The following CNOT6L variants were observed in gnomAD, a reference collection of about 807,000 sequenced individuals.
CNOT6L encodes the protein CCR4-NOT transcription complex subunit 6-like.
Under a neutral mutation model 64.0 loss-of-function variants are expected in CNOT6L, and 7 were observed. That is an observed-to-expected ratio of 0.11 (90% confidence interval 0.06 to 0.21). The LOEUF (loss-of-function observed/expected upper bound fraction) is 0.21. Among genes scored for constraint, CNOT6L ranks in the 10% least tolerant of loss-of-function variants. The pLI is 1.00. For missense variants in CNOT6L, 245 were observed against 669.0 expected (o/e 0.37, Z 6.99); for synonymous variants, 193 against 243.4 (o/e 0.79, Z 1.93).
chr4:77,819,098 G>A (rs1387026567), intron 1 of CNOT6L: 8 of 703,568 alleles, frequency 1.1e-5, no homozygotes, highest in Admixed American at 5.1e-5. Context: ...GCCCGCCTCT[G>A]AAGAGACGCG....
chr4:77,782,625 A>C (rs1031385533), intron 1 of CNOT6L, among the ~76,000 whole-genome samples: 2 of 146,608 alleles, frequency 1.4e-5, no homozygotes, highest in African/African-American at 5.1e-5. Context: ...TACAGGCATG[A>C]GCCACAGTGC....
At chr4:77,740,107 C>T (rs1420087848) in intron 8 of CNOT6L, among the ~76,000 whole-genome samples, 6 of 151,946 alleles carry the variant, frequency 3.9e-5, no homozygotes, top group South Asian at 2.1e-4. Flanking sequence ...CGGTGGCTTA[C>T]GTCTGTAATC....
chr4:77,746,883 C>G (rs1560585433), intron 6 of CNOT6L, among the ~76,000 whole-genome samples: 1 of 152,060 alleles, frequency 6.6e-6, no homozygotes, highest in Non-Finnish European at 1.5e-5. Flanking sequence ...CACAATGCCT[C>G]TTAAAACAAG....
intron 1 of CNOT6L, among the ~76,000 whole-genome samples, chr4:77,797,234 A>T (rs1037077596): frequency 1.3e-4 from 16 of 127,578 alleles, no homozygotes; most frequent in African/African-American, 2.1e-4. Flanking sequence ...CATACTATAT[A>T]AAAAAAAAAC....
At chr4:77,724,554 G>A (rs952487407) in intron 11 of CNOT6L, among the ~76,000 whole-genome samples, 1 of 149,976 alleles carries the variant, frequency 6.7e-6, no homozygotes, top group Non-Finnish European at 1.5e-5. Flanking sequence ...GTAGGAGGAT[G>A]TCTTGAGCAC....
At chr4:77,764,897 A>G (rs1726656176) in intron 4 of CNOT6L, among the ~76,000 whole-genome samples, 1 of 152,162 alleles carries the variant, frequency 6.6e-6, no homozygotes, top group Non-Finnish European at 1.5e-5. Flanking sequence ...TATAAAAGGG[A>G]GCAGAGAAAT....
intron 8 of CNOT6L, among the ~76,000 whole-genome samples, chr4:77,741,713 T>A (rs758307321): frequency 2.6e-4 from 40 of 152,126 alleles, no homozygotes; most frequent in Non-Finnish European, 8.8e-5. Context: ...AAGCAAATGC[T>A]CAGTATACAT....
intron 4 of CNOT6L, among the ~76,000 whole-genome samples, chr4:77,767,615 C>T (rs1012787967): frequency 6.6e-6 from 1 of 152,118 alleles, no homozygotes; most frequent in Non-Finnish European, 1.5e-5. Flanking sequence ...GTTGAGACAA[C>T]TGGTTACTCA....
At chr4:77,786,098 T>G (rs772933823) in intron 1 of CNOT6L, among the ~76,000 whole-genome samples, 1 of 150,914 alleles carries the variant, frequency 6.6e-6, no homozygotes, top group Non-Finnish European at 1.5e-5. Flanking sequence ...CTGCCCAACA[T>G]GGTGAAACCC....
At chr4:77,724,614 TG>T (rs1270135814) in intron 11 of CNOT6L, among the ~76,000 whole-genome samples, 4 of 143,370 alleles carry the variant, frequency 2.8e-5, no homozygotes, top group Non-Finnish European at 1.5e-5. Context: ...CACTCCAGCC[TG>T]GGTGACAAAC....
chr4:77,774,650 T>G lies in CNOT6L; in HGVS notation c.194A>C (p.Asp65Ala). ...LTHLTALHLN[D>A]NYLSRIPPDI... ...AGGTGGAATGCGACTAAGGTAATTG[T>G]CATTTAGGTGCAGCGCTGTCAAGTG... The change falls in exon 3 of 12, where the codon GAC becomes GCC. Residue 65 changes from aspartate to alanine, a missense_variant. Transcript: ENST00000504123. The G allele has an allele frequency of 6.2e-7, 1 of 1,613,684 alleles. No homozygotes were observed. The highest frequency in any genetic ancestry group is 8.5e-7 in the Non-Finnish European group (1 of 1,179,714).
intron 1 of CNOT6L, among the ~76,000 whole-genome samples, chr4:77,806,576 G>A (rs1732246020): frequency 6.6e-6 from 1 of 152,108 alleles, no homozygotes; most frequent in Non-Finnish European, 1.5e-5. Context: ...TTTAGGTAAT[G>A]AATGTTCTAT....
chr4:77,744,637 G>T, intron 7 of CNOT6L, 81 bp downstream of exon 7: 2 of 1,218,734 alleles, frequency 1.6e-6, no homozygotes, highest in South Asian at 1.9e-5. Flanking sequence ...CTAAACACAG[G>T]ATCTCTCCCA....
chr4:77,713,445 G>A lies in CNOT6L; in HGVS notation c.*6986C>T, dbSNP rs565433926. On this transcript the variant is annotated 3_prime_UTR_variant, in exon 12 of 12. Coordinates refer to ENST00000504123, the MANE Select transcript of CNOT6L (RefSeq NM_144571.3). ...GGGAAGGAAAGGGAGGGAGAGAGGG[G>A]AAGTACACAGGTGCAAGGAAACAAG... The A allele has an allele frequency of 1.3e-5, 2 of 152,610 alleles. No individual in the cohort carries two copies. The highest frequency in any genetic ancestry group is 4.2e-4 in the South Asian group (2 of 4,814). 9.5% of individuals were successfully genotyped at this position (152,610 alleles called of 1,614,324 possible).
At chr4:77,742,004 TAAC>T (rs1723652594) in intron 8 of CNOT6L, 134 bp downstream of exon 8, 3 of 715,326 alleles carry the variant, frequency 4.2e-6, no homozygotes, top group Admixed American at 3.1e-5. Flanking sequence ...AATGAAACAT[TAAC>T]AACAGTTTTA....
At chr4:77,748,955 T>C (rs1223186196) in intron 5 of CNOT6L, among the ~76,000 whole-genome samples, 2 of 152,168 alleles carry the variant, frequency 1.3e-5, no homozygotes, top group Non-Finnish European at 2.9e-5. Flanking sequence ...TGGTTATCAA[T>C]ACTATGGAAC....
In CNOT6L at chr4:77,735,872, T is replaced by C. The variant is rs112241457; in HGVS notation, c.873-4334A>G. ...TTCTTAAGTTTCTTAGTAATGATCA[T>C]AGGTTCATTAAACTTTTTTAAAAAT... On this transcript the variant is annotated intron_variant, in intron 8 of 11. Coordinates refer to ENST00000504123, the MANE Select transcript of CNOT6L (RefSeq NM_144571.3). Among the ~76,000 whole-genome samples the C allele has an allele frequency of 1.8e-3, 271 of 152,332 alleles. 2 individuals carry two copies. Among genetic ancestry groups the C allele is most frequent in the African/African-American group, 5.4e-3 (226 of 41,590 alleles).
Position 77,748,393 on chromosome 4 carries a change from A to C in CNOT6L, c.491-9T>G, listed in dbSNP as rs763402314. 3.1e-6 allele frequency: 5 copies of C among 1,595,180 alleles called. No individual in the cohort carries two copies. Among genetic ancestry groups the C allele is most frequent in the Non-Finnish European group, 4.3e-6 (5 of 1,163,820 alleles). ...AAGCTGCTCTGGATGAACTGAAAAAAATTTTGTAAATATAGGTTAATTTCA... is the reference window on the plus strand; with the variant it reads ...AAGCTGCTCTGGATGAACTGAAAAACATTTTGTAAATATAGGTTAATTTCA... On this transcript the variant is annotated splice_polypyrimidine_tract_variant and intron_variant, in intron 5 of 11. Coordinates refer to ENST00000504123, the MANE Select transcript of CNOT6L (RefSeq NM_144571.3).
At position 77,730,492 on chromosome 4, in the gene CNOT6L, A is replaced by T. The variant is rs375487414; in HGVS notation, c.1024+895T>A. 1.4e-4 allele frequency among the ~76,000 whole-genome samples: 21 copies of T among 152,244 alleles called. No individual in the cohort carries two copies. In the East Asian group the frequency reaches 3.1e-3, roughly 22 times the overall value. On this transcript the variant is annotated intron_variant, in intron 9 of 11. Transcript: ENST00000504123. ...CTCTTCCGCAAATTAAAAGAGGAGT[A>T]AAACTCCAAAAGATATTCTCCACAA...
Sources: gnomAD v4.1 joint callset for allele counts (sites outside exome capture counted in the v4.1 genomes callset) on GRCh38, gnomAD v4.1.1 for gene constraint, MANE v1.5 for transcripts, NCBI Gene and HGNC (gene_info 2026-07-23, HGNC 2026-07-21) for gene names.